Variants in CFAP47 observed in about 807,000 individuals in gnomAD.
CFAP47 encodes the protein cilia and flagella associated protein 47.
Under a neutral mutation model 148.1 loss-of-function variants are expected in CFAP47, and 29 were observed. That is an observed-to-expected ratio of 0.20 (90% CI 0.15 to 0.27). CFAP47 has a LOEUF of 0.27. CFAP47 is among the 10% of genes least tolerant of loss of function. The pLI is 1.00. For missense variants in CFAP47, 1,872 were observed against 1,697.5 expected, an observed-to-expected ratio of 1.10 and a Z score of -1.81; for synonymous variants, 664 against 577.3, an observed-to-expected ratio of 1.15 and a Z score of -2.15.
At chrX:35,976,474 G>T (rs1936572349) in intron 15 of CFAP47, among the ~76,000 whole-genome samples, 1 of 111,619 alleles carries the variant, frequency 9.0e-6, no homozygotes, top group Non-Finnish European at 1.9e-5. Flanking sequence ...CACCTTGAAT[G>T]TATACAGTCT....
intron 49 of CFAP47, among the ~76,000 whole-genome samples, chrX:36,267,781 T>C (rs868987398): frequency 2.7e-5 from 3 of 112,124 alleles, no homozygotes; most frequent in African/African-American, 9.7e-5. Flanking sequence ...CCCAGCAAAG[T>C]GGTTCATGTT....
rs1556024915 is a variant in CFAP47 at position 36,384,971 on chromosome X, A to AAATATT, written c.9529_9530insAATATT (p.Thr3177delinsLysTyrSer). 8.6e-7 allele frequency: 1 copy of AAATATT among 1,164,465 alleles called. No individual in the cohort carries two copies. The highest frequency in any genetic ancestry group is 1.8e-5 in the African/African-American group (1 of 55,768). ...ACTCATAAGAACAGGGGTGTCTTCCACCATCAAGGGTGCTCCTTTGGTGAA... is the reference window on the plus strand; with the variant it reads ...ACTCATAAGAACAGGGGTGTCTTCCAAATATTCCATCAAGGGTGCTCCTTTGGTGAA... On this transcript the variant is annotated protein_altering_variant, in exon 64 of 64. Coordinates refer to ENST00000378653, the MANE Select transcript of CFAP47 (RefSeq NM_001304548.2).
chrX:36,370,809 A>G (rs1556021204), intron 62 of CFAP47, among the ~76,000 whole-genome samples: 3 of 110,967 alleles, frequency 2.7e-5, no homozygotes, highest in African/African-American at 9.8e-5. Flanking sequence ...ACCCAGTAAT[A>G]TTTCCTTTTT....
At chrX:36,261,077 T>A (rs1420534146) in intron 49 of CFAP47, among the ~76,000 whole-genome samples, 2 of 109,629 alleles carry the variant, frequency 1.8e-5, no homozygotes. Context: ...TCTATTTCTG[T>A]ACAGGTACCT....
At chrX:36,064,823 A>G (rs774585844) in intron 26 of CFAP47, among the ~76,000 whole-genome samples, 52 of 112,205 alleles carry the variant, frequency 4.6e-4, no homozygotes, top group Non-Finnish European at 8.5e-4. Flanking sequence ...GTCATATAAG[A>G]TAGACAGCCC....
chrX:36,213,952 G>A (rs1363440020), intron 45 of CFAP47, among the ~76,000 whole-genome samples: 1 of 111,888 alleles, frequency 8.9e-6, no homozygotes, highest in East Asian at 2.8e-4. Flanking sequence ...CATGATACAT[G>A]AGCCGTTGCC....
chrX:36,362,114 G>A (rs1158797044), intron 61 of CFAP47, among the ~76,000 whole-genome samples: 7 of 112,224 alleles, frequency 6.2e-5, no homozygotes, highest in Non-Finnish European at 5.6e-5. Flanking sequence ...TAAATGCAGA[G>A]ACACTGATAA....
chrX:36,182,420 G>A (rs1020304283), intron 40 of CFAP47, among the ~76,000 whole-genome samples: 5 of 111,848 alleles, frequency 4.5e-5, no homozygotes, highest in Non-Finnish European at 7.5e-5. Flanking sequence ...ACTTTTATCC[G>A]CAAGTAGCAC....
chrX:36,024,357 T>C (rs1937192271), intron 22 of CFAP47, among the ~76,000 whole-genome samples: 1 of 111,562 alleles, frequency 9.0e-6, no homozygotes, highest in Admixed American at 9.5e-5. Flanking sequence ...TCTCCTCAAG[T>C]GTAAAAGAGA....
intron 48 of CFAP47, 75 bp downstream of exon 48, chrX:36,236,934 C>A: frequency 2.4e-6 from 1 of 412,924 alleles, no homozygotes; most frequent in Admixed American, 4.9e-5. Context: ...TAATTACAAA[C>A]AATTTTTTAA....
chrX:36,274,140 C>T (rs1249046345), intron 49 of CFAP47, among the ~76,000 whole-genome samples: 1 of 111,426 alleles, frequency 9.0e-6, no homozygotes, highest in Non-Finnish European at 1.9e-5. Context: ...AATTATTTTA[C>T]AAATGAATGC....
chrX:36,060,158 A>T (rs189877141), intron 26 of CFAP47, among the ~76,000 whole-genome samples: 1 of 111,730 alleles, frequency 9.0e-6, no homozygotes, highest in East Asian at 2.8e-4. Context: ...TTCTTATAGA[A>T]ATGCAAACAG....
chrX:36,201,538 C>G (rs1372717793), intron 44 of CFAP47, 38 bp downstream of exon 44: 2 of 295,890 alleles, frequency 6.8e-6, no homozygotes, highest in East Asian at 4.8e-5. Flanking sequence ...TTCAATTACT[C>G]TCTCTTTAAA....
At chrX:36,012,274 T>C (rs187738479) in intron 21 of CFAP47, among the ~76,000 whole-genome samples, 70 of 111,607 alleles carry the variant, frequency 6.3e-4, no homozygotes, top group Admixed American at 1.9e-3. Context: ...CTCAAGGATC[T>C]AGAACCAGAA....
At chrX:35,960,360 A>G (rs1936308858) in intron 8 of CFAP47, among the ~76,000 whole-genome samples, 1 of 94,320 alleles carries the variant, frequency 1.1e-5, no homozygotes, top group Non-Finnish European at 2.0e-5. Flanking sequence ...ATGAACTTTA[A>G]CATTAGCTTG....
chrX:35,936,088 A>T (rs1301040570), intron 2 of CFAP47, among the ~76,000 whole-genome samples: 1 of 111,760 alleles, frequency 8.9e-6, no homozygotes, highest in Non-Finnish European at 1.9e-5. Flanking sequence ...ATTTGCATTT[A>T]ACTATTATTT....
chrX:36,049,165 T>G (rs1277925788), intron 26 of CFAP47, among the ~76,000 whole-genome samples: 1 of 109,147 alleles, frequency 9.2e-6, no homozygotes, highest in Non-Finnish European at 1.9e-5. Flanking sequence ...AGAAGTGGGG[T>G]TTTTTTTCTT....
chrX:36,070,285 A>G (rs750128364), intron 27 of CFAP47, among the ~76,000 whole-genome samples: 7 of 111,211 alleles, frequency 6.3e-5, no homozygotes, highest in Non-Finnish European at 1.3e-4. Context: ...TTTGTATAAC[A>G]CACTCACAGT....
chrX:36,105,023 A>G (rs1224292558), intron 33 of CFAP47, among the ~76,000 whole-genome samples: 1 of 111,940 alleles, frequency 8.9e-6, no homozygotes, highest in Non-Finnish European at 1.9e-5. Context: ...CACTGCTCAA[A>G]CTTAGTATAT....
Sources: allele counts gnomAD v4.1 joint callset (sites outside exome capture counted in the v4.1 genomes callset), GRCh38; gene constraint gnomAD v4.1.1; transcripts MANE v1.5; gene names NCBI Gene and HGNC (gene_info 2026-07-23, HGNC 2026-07-21).